The following INPP1 variants were observed in gnomAD, a reference collection of about 807,000 sequenced individuals.
The protein encoded by INPP1 is inositol polyphosphate 1-phosphatase.
Under a neutral mutation model 23.0 loss-of-function variants are expected in INPP1, and 18 were observed. That is an observed-to-expected ratio of 0.78 (90% CI 0.54 to 1.16). INPP1 has a LOEUF of 1.16. Ranked by LOEUF, INPP1 falls within the 50% of genes most tolerant of loss-of-function variation. The probability of loss-of-function intolerance (pLI) is 0.00; values close to 1 mark genes in which losing one functional copy is unlikely to be tolerated. For missense variants in INPP1, 448 were observed against 482.1 expected (o/e 0.93, Z 0.66); for synonymous variants, 164 against 176.3 (o/e 0.93, Z 0.55).
intron 2 of INPP1, among the ~76,000 whole-genome samples, chr2:190,349,878 C>T (rs1689294546): frequency 6.6e-6 from 1 of 152,100 alleles, no homozygotes. Context: ...CAGAGTTCAC[C>T]GTGTCACCTA....
intron 3 of INPP1, among the ~76,000 whole-genome samples, chr2:190,360,613 A>G (rs1188353073): frequency 1.3e-5 from 2 of 152,208 alleles, no homozygotes; most frequent in Non-Finnish European, 2.9e-5. Context: ...AATAAATAAT[A>G]CATGTTTTCT....
At chr2:190,364,590 A>ATT (rs1157989437) in intron 4 of INPP1, among the ~76,000 whole-genome samples, 4 of 50,936 alleles carry the variant, frequency 7.9e-5, no homozygotes, top group Non-Finnish European at 3.5e-5. Context: ...TGAGGTTCTG[A>ATT]TTTTTTTTTT....
At chr2:190,347,007 CTTTTTTTT>C (rs1214998960) in intron 1 of INPP1, among the ~76,000 whole-genome samples, 1 of 116,042 alleles carries the variant, frequency 8.6e-6, no homozygotes, top group African/African-American at 3.4e-5. Flanking sequence ...TTATTAGTAG[CTTTTTTTT>C]TTTTTTTTTT....
rs1427276009 is a variant in INPP1, at chr2:190,368,230, G to A, written c.467-873G>A. ...TGTTTTTGAGCTCTTTGAGTCTTTT[G>A]CCAGGCACATCCTTAGCCGTGTGTT... On this transcript the variant is annotated intron_variant, in intron 5 of 6. Coordinates refer to ENST00000392329, the MANE Select transcript of INPP1 (RefSeq NM_001128928.2). The surrounding 1 kb of genome is among the most constrained non-coding windows in gnomAD (Gnocchi z 4.3). Among the ~76,000 whole-genome samples the A allele has an allele frequency of 1.3e-5, 2 of 152,098 alleles. No individual in the cohort carries two copies. Among genetic ancestry groups the A allele is most frequent in the African/African-American group, 4.8e-5 (2 of 41,390 alleles).
intron 4 of INPP1, among the ~76,000 whole-genome samples, chr2:190,364,375 TTA>T (rs1491566395): frequency 2.6e-5 from 4 of 151,498 alleles, no homozygotes; most frequent in East Asian, 2.0e-4. Flanking sequence ...CCGTCTCTAC[TTA>T]AAAAATACAA....
chr2:190,358,112 C>T (rs1689454986), intron 2 of INPP1, among the ~76,000 whole-genome samples: 1 of 131,048 alleles, frequency 7.6e-6, no homozygotes. Context: ...CAGAGTCTTG[C>T]TCTGTCACCC....
At chr2:190,353,115 C>A (rs1689355656) in intron 2 of INPP1, among the ~76,000 whole-genome samples, 1 of 152,200 alleles carries the variant, frequency 6.6e-6, no homozygotes, top group African/African-American at 2.4e-5. Flanking sequence ...AGGCCCTTAT[C>A]TATGTCATCA....
chr2:190,366,042 ACTCTTTTGCTCTCTCTGTCTCT>A (rs1689649630), intron 4 of INPP1, among the ~76,000 whole-genome samples: 1 of 47,396 alleles, frequency 2.1e-5, no homozygotes, highest in Non-Finnish European at 4.2e-5. Flanking sequence ...TCTCTGTCTC[ACTCTTTTGCTCTCTCTGTCTCT>A]CTGTCTCTTT....
intron 2 of INPP1, among the ~76,000 whole-genome samples, chr2:190,357,783 C>T (rs1689445381): frequency 6.6e-6 from 1 of 152,158 alleles, no homozygotes; most frequent in Non-Finnish European, 1.5e-5. Flanking sequence ...AACTTGTTTG[C>T]GTGCCCATTA....
At position 190,354,790 on chromosome 2, in the gene INPP1, T is replaced by C. The variant is rs1262630268; in HGVS notation, c.-64-5249T>C. ...TAAGGGAGACATCAGTGGAACTTAA[T>C]AGATGAGCTTTTACTACCCAGAAGG... On this transcript the variant is annotated intron_variant, in intron 2 of 6. Coordinates refer to ENST00000392329, the MANE Select transcript of INPP1 (RefSeq NM_001128928.2). The surrounding 1 kb of genome is among the most constrained non-coding windows in gnomAD (Gnocchi z 4.8). 1.3e-5 allele frequency among the ~76,000 whole-genome samples: 2 copies of C among 152,142 alleles called. No homozygotes were observed. Among genetic ancestry groups the C allele is most frequent in the Non-Finnish European group, 2.9e-5 (2 of 68,038 alleles).
chr2:190,371,569 A>G lies in INPP1; in HGVS notation c.*167A>G, dbSNP rs1197200854. 4.1e-6 allele frequency: 2 copies of G among 483,554 alleles called. No homozygotes were observed. The highest frequency in any genetic ancestry group is 7.1e-6 in the Non-Finnish European group (2 of 280,412). The allele number at this position is 483,554 out of a possible 1,614,324, so 30.0% of individuals were successfully genotyped here. A position where few individuals can be genotyped will look rare whatever the true frequency, so the allele number is the denominator to read the frequency against. On this transcript the variant is annotated 3_prime_UTR_variant, in exon 7 of 7. Coordinates refer to ENST00000392329, the MANE Select transcript of INPP1 (RefSeq NM_001128928.2). This position sits in a 1 kb window ranked among gnomAD's most constrained non-coding sequence, Gnocchi z 5.3. ...ATAATAATGTTAATTTCAATAAATG[A>G]CATTCATGCAGCAATTATATTGGTG...
intron 6 of INPP1, among the ~76,000 whole-genome samples, chr2:190,370,515 A>C (rs1287808625): frequency 6.6e-6 from 1 of 152,212 alleles, no homozygotes; most frequent in African/African-American, 2.4e-5. Flanking sequence ...TTTCCCTACT[A>C]AACTTTAAAT....
chr2:190,360,716 G>A (rs1393575773), intron 3 of INPP1, among the ~76,000 whole-genome samples: 5 of 151,966 alleles, frequency 3.3e-5, no homozygotes, highest in Non-Finnish European at 7.4e-5. Context: ...TTCCTTCTAT[G>A]TGTATGTGTG....
chr2:190,343,629 G>A lies in INPP1; in HGVS notation c.-541G>A, dbSNP rs1689155462. The A allele has an allele frequency of 1.3e-5, 2 of 152,258 alleles. 1 individual carries two copies. Among genetic ancestry groups the A allele is most frequent in the Admixed American group, 1.3e-4 (2 of 15,298 alleles). The allele number at this position is 152,258 out of a possible 1,614,324, so 9.4% of individuals were successfully genotyped here. ...GACGCCCGGCTCGGGCAGGCGTGGGGGGCCCGCGCGTCCCGGGAGCCCCGA... is the reference window on the plus strand; with the variant it reads ...GACGCCCGGCTCGGGCAGGCGTGGGAGGCCCGCGCGTCCCGGGAGCCCCGA... On this transcript the variant is annotated 5_prime_UTR_variant, in exon 1 of 7. Coordinates refer to ENST00000392329, the MANE Select transcript of INPP1 (RefSeq NM_001128928.2).
At position 190,370,810 on chromosome 2, in the gene INPP1, A is replaced by T. The variant is rs112655518; in HGVS notation, c.642-34A>T. 2.9e-4 allele frequency: 434 copies of T among 1,480,492 alleles called. 1 individual carries two copies. The African/African-American group carries it at 5.6e-3, about 19-fold the overall frequency. 91.7% of individuals were successfully genotyped at this position (1,480,492 alleles called of 1,614,324 possible). ...ACATGAGTAATGAAAAACAAATGTG[A>T]TAATCATCACCAATTGAAATTTTTC... On this transcript the variant is annotated intron_variant, in intron 6 of 6. Transcript: ENST00000392329.
intron 1 of INPP1, among the ~76,000 whole-genome samples, 180 bp from the exon 2 acceptor site, chr2:190,348,708 G>T (rs1689270424): frequency 6.6e-6 from 1 of 152,184 alleles, no homozygotes. Flanking sequence ...GTTGTAGCAT[G>T]TGTCAGAATT....
rs1195207517 is a variant in INPP1, at chr2:190,367,460, C to T, written c.466+565C>T. Among the ~76,000 whole-genome samples, 2 of 152,224 alleles carry T rather than the reference C, an allele frequency of 1.3e-5. No individual in the cohort carries two copies. Among genetic ancestry groups the T allele is most frequent in the African/African-American group, 2.4e-5 (1 of 41,450 alleles). On this transcript the variant is annotated intron_variant, in intron 5 of 6. Coordinates refer to ENST00000392329, the MANE Select transcript of INPP1 (RefSeq NM_001128928.2). This position sits in a 1 kb window ranked among gnomAD's most constrained non-coding sequence, Gnocchi z 4.1. ...GTCAAGCAAAAAGCTGAATGTGACGCATGAGCAGTTTGTGAGCCCTGCATG... is the reference window on the plus strand; with the variant it reads ...GTCAAGCAAAAAGCTGAATGTGACGTATGAGCAGTTTGTGAGCCCTGCATG...
In INPP1 at chr2:190,355,998, A is replaced by T. The variant is rs1689414417; in HGVS notation, c.-64-4041A>T. On this transcript the variant is annotated intron_variant, in intron 2 of 6. Transcript: ENST00000392329. The surrounding 1 kb of genome is among the most constrained non-coding windows in gnomAD (Gnocchi z 5.1). Reference sequence around the variant, plus strand: ...TCCATGAGTTTTAATAAATGTATTGATAAAATGGAAGAATAAATTCTGCAT... The same window carrying T: ...TCCATGAGTTTTAATAAATGTATTGTTAAAATGGAAGAATAAATTCTGCAT... Among the ~76,000 whole-genome samples the T allele has an allele frequency of 6.6e-6, 1 of 152,222 alleles. No individual in the cohort carries two copies. Among genetic ancestry groups the T allele is most frequent in the Non-Finnish European group, 1.5e-5 (1 of 68,044 alleles).
intron 5 of INPP1, 23 bp downstream of exon 5, chr2:190,366,918 G>A (rs765422409): frequency 6.1e-5 from 92 of 1,503,546 alleles, no homozygotes; most frequent in Non-Finnish European, 7.8e-5. Flanking sequence ...AAGTATGTTT[G>A]TTCTTATTTG....
Sources: allele counts gnomAD v4.1 joint callset (sites outside exome capture counted in the v4.1 genomes callset), GRCh38; gene constraint gnomAD v4.1.1; non-coding constraint Gnocchi (gnomAD v3.1); transcripts MANE v1.5; gene names NCBI Gene and HGNC (gene_info 2026-07-23, HGNC 2026-07-21).